CARMIL1: variants seen among roughly 807,000 people sequenced by gnomAD.
The protein encoded by CARMIL1 is capping protein regulator and myosin 1 linker 1.
A neutral mutation model predicts 177.1 loss-of-function variants in CARMIL1; 90 were observed. The observed-to-expected ratio is 0.51, with a 90% CI of 0.43 to 0.61. CARMIL1 has a LOEUF of 0.61. Ranked by LOEUF, CARMIL1 falls within the 20% of genes least tolerant of loss-of-function variation. The pLI is 0.00. For synonymous variants in CARMIL1, 577 were observed against 606.2 expected (o/e 0.95, Z 0.71); for missense variants, 1,380 against 1,667.0 (o/e 0.83, Z 3.00).
intron 2 of CARMIL1, among the ~76,000 whole-genome samples, chr6:25,382,714 C>G (rs779684047): frequency 6.6e-6 from 1 of 151,858 alleles, no homozygotes; most frequent in Non-Finnish European, 1.5e-5. Flanking sequence ...ACAGGGCGCT[C>G]ATTGGTGCAT....
At chr6:25,379,323 A>C (rs187677182) in intron 2 of CARMIL1, among the ~76,000 whole-genome samples, 31 of 152,196 alleles carry the variant, frequency 2.0e-4, no homozygotes, top group African/African-American at 7.2e-4. Context: ...TTTCTTGAGG[A>C]GTTGGGATTG....
At chr6:25,418,123 A>T (rs1349714047) in intron 2 of CARMIL1, among the ~76,000 whole-genome samples, 1 of 152,168 alleles carries the variant, frequency 6.6e-6, no homozygotes, top group African/African-American at 2.4e-5. Context: ...CAGAGCCAGA[A>T]TCTGAATGTA....
intron 8 of CARMIL1, chr6:25,451,986 G>GCCCACCCCCC: frequency 8.9e-6 from 1 of 112,670 alleles, no homozygotes; most frequent in South Asian, 7.1e-5. Flanking sequence ...CTAGCATCTT[G>GCCCACCCCCC]CCCCCCCCTC....
At chr6:25,525,909 A>T (rs955207970) in intron 23 of CARMIL1, among the ~76,000 whole-genome samples, 1 of 152,130 alleles carries the variant, frequency 6.6e-6, no homozygotes, top group Non-Finnish European at 1.5e-5. Flanking sequence ...TAAAAGAAAC[A>T]AAGGACAAAT....
Position 25,509,808 on chromosome 6 carries a change from T to A in CARMIL1, c.1477+71T>A. 1 of 1,087,860 alleles carries A rather than the reference T, an allele frequency of 9.2e-7. No individual in the cohort carries two copies. Among genetic ancestry groups the A allele is most frequent in the Non-Finnish European group, 1.4e-6 (1 of 738,084 alleles). 67.4% of individuals were successfully genotyped at this position (1,087,860 alleles called of 1,614,324 possible). A position where few individuals can be genotyped will look rare whatever the true frequency, so the allele number is the denominator to read the frequency against. On this transcript the variant is annotated intron_variant, in intron 18 of 36. Coordinates refer to ENST00000329474, the MANE Select transcript of CARMIL1 (RefSeq NM_017640.6). This position sits in a 1 kb window ranked among gnomAD's most constrained non-coding sequence, Gnocchi z 4.1. ...GCAAGTTAATAAGGGGAAAATAATC[T>A]TCTACCCAAATCCAAACAATAGCTT...
intron 23 of CARMIL1, among the ~76,000 whole-genome samples, chr6:25,521,243 T>G (rs1417628778): frequency 1.3e-5 from 2 of 152,208 alleles, no homozygotes; most frequent in Non-Finnish European, 2.9e-5. Context: ...ACAGCCGAGT[T>G]GTACATATTC....
At chr6:25,441,136 A>T (rs1226742085) in intron 5 of CARMIL1, among the ~76,000 whole-genome samples, 1 of 152,028 alleles carries the variant, frequency 6.6e-6, no homozygotes, top group Admixed American at 6.6e-5. Context: ...ACATAGTGAG[A>T]CCTCATTTCT....
chr6:25,407,530 G>T (rs1794485339), intron 2 of CARMIL1, among the ~76,000 whole-genome samples: 1 of 152,100 alleles, frequency 6.6e-6, no homozygotes, highest in Non-Finnish European at 1.5e-5. Context: ...TGTTTTCTCT[G>T]TGAAGTAGGA....
chr6:25,449,184 G>C (rs1798542290), intron 5 of CARMIL1, among the ~76,000 whole-genome samples: 3 of 152,000 alleles, frequency 2.0e-5, no homozygotes, highest in Admixed American at 6.5e-5. Context: ...GCCCTGGGGG[G>C]GTTATTCTAA....
intron 13 of CARMIL1, among the ~76,000 whole-genome samples, chr6:25,489,160 G>A (rs998819835): frequency 1.3e-4 from 11 of 82,786 alleles, no homozygotes; most frequent in Admixed American, 1.6e-4. Context: ...GTGAGTCTCC[G>A]TATCAAACAA....
chr6:25,604,253 T>C (rs367979896), intron 33 of CARMIL1, among the ~76,000 whole-genome samples: 1 of 152,184 alleles, frequency 6.6e-6, no homozygotes, highest in East Asian at 1.9e-4. Flanking sequence ...AATTTTTCTA[T>C]TTTTTGCAGA....
At chr6:25,556,931 C>T (rs1171191271) in intron 29 of CARMIL1, 81 bp downstream of exon 29, 2 of 1,358,342 alleles carry the variant, frequency 1.5e-6, no homozygotes, top group Non-Finnish European at 2.0e-6. Flanking sequence ...TAAATCTCAC[C>T]TTTTGAAATC....
intron 2 of CARMIL1, among the ~76,000 whole-genome samples, chr6:25,417,118 A>C (rs1339740629): frequency 6.6e-6 from 1 of 152,096 alleles, no homozygotes; most frequent in African/African-American, 2.4e-5. Context: ...GAGGGGTCAT[A>C]TCCTGGGGCT....
At chr6:25,464,618 A>G (rs1800430610) in intron 8 of CARMIL1, among the ~76,000 whole-genome samples, 1 of 152,232 alleles carries the variant, frequency 6.6e-6, no homozygotes, top group African/African-American at 2.4e-5. Context: ...ATATGACCTC[A>G]CTAAAGCTAA....
At chr6:25,477,888 C>T (rs1195806762) in intron 11 of CARMIL1, among the ~76,000 whole-genome samples, 2 of 130,562 alleles carry the variant, frequency 1.5e-5, no homozygotes, top group African/African-American at 5.7e-5. Flanking sequence ...CAAGGTCTCA[C>T]TCTGTTGCCC....
intron 7 of CARMIL1, 26 bp from the exon 8 acceptor site, chr6:25,450,612 A>T: frequency 7.3e-7 from 1 of 1,374,272 alleles, no homozygotes; most frequent in South Asian, 1.2e-5. Flanking sequence ...TGGACTGATG[A>T]CATGACTGAA....
intron 16 of CARMIL1, among the ~76,000 whole-genome samples, chr6:25,499,107 T>C (rs1276057613): frequency 6.6e-6 from 1 of 152,156 alleles, no homozygotes; most frequent in Non-Finnish European, 1.5e-5. Context: ...AGAGAATCAC[T>C]AGAAAAGAAA....
At chr6:25,490,730 TAAATAAATAAATAAATAAATAAAA>T (rs1437326524) in intron 13 of CARMIL1, among the ~76,000 whole-genome samples, 114 of 131,378 alleles carry the variant, frequency 8.7e-4, no homozygotes, top group East Asian at 2.7e-3. Flanking sequence ...AATAAATAAA[TAAATAAATAAATAAATAAATAAAA>T]AAAAATAAAT....
At position 25,496,904 on chromosome 6, in the gene CARMIL1, C is replaced by T. The variant is rs534361690; in HGVS notation, c.1325+1689C>T. Among the ~76,000 whole-genome samples, 5 of 152,200 alleles carry T rather than the reference C, an allele frequency of 3.3e-5. No individual in the cohort carries two copies. In the East Asian group the frequency reaches 5.8e-4, roughly 18 times the overall value. On this transcript the variant is annotated intron_variant, in intron 16 of 36. Transcript: ENST00000329474. Reference sequence around the variant, plus strand: ...TTGTTGGTTAATGTGACTGATTTTGCGGAATATTCCAGTTTGCAACAAGGC... The same window carrying T: ...TTGTTGGTTAATGTGACTGATTTTGTGGAATATTCCAGTTTGCAACAAGGC...
Sources: gnomAD v4.1 joint callset for allele counts (sites outside exome capture counted in the v4.1 genomes callset) on GRCh38, gnomAD v4.1.1 for gene constraint, Gnocchi (gnomAD v3.1) non-coding constraint, MANE v1.5 for transcripts, NCBI Gene and HGNC (gene_info 2026-07-23, HGNC 2026-07-21) for gene names.